Variants in COL23A1 observed in about 807,000 individuals in gnomAD.
COL23A1 encodes the protein collagen alpha-1(XXIII) chain.
In COL23A1, 97 loss-of-function variants were observed where a neutral mutation model predicts 99.3. The ratio of observed to expected loss-of-function variants is 0.98; its 90% CI spans 0.83 to 1.16. The LOEUF (loss-of-function observed/expected upper bound fraction) is 1.16. Among genes scored for constraint, COL23A1 ranks in the 50% most tolerant of loss-of-function variants. The probability of loss-of-function intolerance (pLI) is 0.00; values close to 1 mark genes in which losing one functional copy is unlikely to be tolerated. For synonymous variants in COL23A1, 320 were observed against 308.2 expected (o/e 1.04, Z -0.40); for missense variants, 762 against 757.4 (o/e 1.01, Z -0.07).
chr5:178,487,128 T>C (rs1240517877), intron 2 of COL23A1, among the ~76,000 whole-genome samples: 1 of 141,336 alleles, frequency 7.1e-6, no homozygotes, highest in Non-Finnish European at 1.5e-5. Flanking sequence ...AAGTCCCAGT[T>C]GACACCTCAG....
intron 2 of COL23A1, among the ~76,000 whole-genome samples, chr5:178,435,493 G>A (rs1013015955): frequency 7.2e-5 from 11 of 152,214 alleles, no homozygotes; most frequent in African/African-American, 2.2e-4. Flanking sequence ...TGCAGACCAC[G>A]CATGGCTCAC....
intron 2 of COL23A1, among the ~76,000 whole-genome samples, chr5:178,455,073 T>C (rs1169594397): frequency 1.3e-5 from 2 of 152,196 alleles, no homozygotes; most frequent in Non-Finnish European, 2.9e-5. Context: ...TCTTGTCAGG[T>C]TGGATTAAGG....
chr5:178,528,766 C>T (rs374163062), intron 2 of COL23A1, among the ~76,000 whole-genome samples: 6 of 152,238 alleles, frequency 3.9e-5, no homozygotes, highest in African/African-American at 4.8e-5. Flanking sequence ...GCTGAGATCG[C>T]GCCATTGCAC....
At chr5:178,524,791 C>T (rs1760217844) in intron 2 of COL23A1, among the ~76,000 whole-genome samples, 1 of 152,204 alleles carries the variant, frequency 6.6e-6, no homozygotes, top group Non-Finnish European at 1.5e-5. Flanking sequence ...CCTAACAGGC[C>T]ATGTGGCTCC....
In COL23A1 at chr5:178,250,185, T is replaced by C. The variant is rs1298073293; in HGVS notation, c.1015-80A>G. ...CAGCAGCCAGAGGGCCAGGACACAC[T>C]GTGCACCCGGCCCAGGGTGGGTCTT... is the stretch of plus-strand genomic sequence containing the variant. On this transcript the variant is annotated intron_variant, in intron 17 of 28. Coordinates refer to ENST00000390654, the MANE Select transcript of COL23A1 (RefSeq NM_173465.4). The C allele has an allele frequency of 1.2e-5, 18 of 1,545,506 alleles. No homozygotes were observed. In the East Asian group the frequency reaches 3.5e-4, roughly 30 times the overall value.
chr5:178,288,571 C>T, intron 4 of COL23A1: 1 of 623,512 alleles, frequency 1.6e-6, no homozygotes, highest in Non-Finnish European at 2.9e-6. Context: ...CTCAGGGCTT[C>T]ATCGGGGCTC....
intron 1 of COL23A1, among the ~76,000 whole-genome samples, chr5:178,580,278 A>G (rs1159732624): frequency 6.6e-6 from 1 of 151,730 alleles, no homozygotes; most frequent in East Asian, 1.9e-4. Flanking sequence ...CAGTGAGCCG[A>G]GATCGTGCCA....
intron 2 of COL23A1, among the ~76,000 whole-genome samples, chr5:178,412,860 C>T (rs28644456): frequency 0.43 from 64,719 of 151,902 alleles, 13,863 homozygotes; most frequent in Middle Eastern, 0.5. Context: ...GCAGTTTTCT[C>T]AGAAATGCTA....
chr5:178,493,273 C>T (rs1295849863), intron 2 of COL23A1, among the ~76,000 whole-genome samples: 1 of 152,210 alleles, frequency 6.6e-6, no homozygotes, highest in Non-Finnish European at 1.5e-5. Flanking sequence ...TGGGCCCAGC[C>T]CACACTGAAC....
intron 2 of COL23A1, among the ~76,000 whole-genome samples, chr5:178,482,514 G>A (rs1423786597): frequency 6.6e-6 from 1 of 152,172 alleles, no homozygotes; most frequent in African/African-American, 2.4e-5. Context: ...TGAAGAAAAA[G>A]GTTCTGAGAT....
intron 5 of COL23A1, among the ~76,000 whole-genome samples, chr5:178,277,775 C>A (rs201667883): frequency 1.3e-5 from 1 of 79,136 alleles, no homozygotes; most frequent in African/African-American, 5.0e-5. Flanking sequence ...GCCTTTGAAC[C>A]GATCCCAAAA....
chr5:178,246,032 G>C, intron 24 of COL23A1, 64 bp from the exon 25 acceptor site: 5 of 1,584,298 alleles, frequency 3.2e-6, no homozygotes, highest in Non-Finnish European at 4.3e-6. Flanking sequence ...CAGCTGCTGG[G>C]AAGTCCAGCC....
intron 4 of COL23A1, 27 bp downstream of exon 4, chr5:178,290,335 G>A (rs373066922): frequency 1.2e-6 from 2 of 1,613,816 alleles, no homozygotes; most frequent in African/African-American, 2.7e-5. Flanking sequence ...TCTTTCAGAA[G>A]CAGACAGCAC....
chr5:178,478,797 AG>A (rs1757168150), intron 2 of COL23A1, among the ~76,000 whole-genome samples: 1 of 152,166 alleles, frequency 6.6e-6, no homozygotes, highest in East Asian at 1.9e-4. Flanking sequence ...AGGGTACCAG[AG>A]CCTTCTGGGT....
intron 17 of COL23A1, 79 bp downstream of exon 17, chr5:178,252,465 G>T: frequency 1.4e-6 from 2 of 1,380,662 alleles, no homozygotes; most frequent in East Asian, 2.5e-5. Context: ...GTGGAACAGG[G>T]TCACAGAGCA....
At position 178,502,286 on chromosome 5, in the gene COL23A1, C is replaced by T. The variant is rs376410875; in HGVS notation, c.361+58396G>A. 3.8e-3 allele frequency among the ~76,000 whole-genome samples: 583 copies of T among 152,260 alleles called. 8 individuals carry two copies. The highest frequency in any genetic ancestry group is 0.013 in the African/African-American group (539 of 41,542). ...AGCTGGGACTACAGGCGCCCGCCAC[C>T]ACGCCCGGCTAATTTTTTGTATTTT... On this transcript the variant is annotated intron_variant, in intron 2 of 28. Transcript: ENST00000390654.
At chr5:178,552,737 CAG>C (rs1284185024) in intron 2 of COL23A1, among the ~76,000 whole-genome samples, 1 of 150,472 alleles carries the variant, frequency 6.6e-6, no homozygotes, top group African/African-American at 2.4e-5. Context: ...TTTTTTCAGA[CAG>C]AGTCTCACTC....
chr5:178,343,501 T>C (rs1483971420), intron 2 of COL23A1, among the ~76,000 whole-genome samples: 1 of 152,172 alleles, frequency 6.6e-6, no homozygotes. Flanking sequence ...ACAGGCTTTT[T>C]AGAAGAAAGA....
intron 9 of COL23A1, among the ~76,000 whole-genome samples, chr5:178,262,650 C>G (rs1245136246): frequency 1.3e-5 from 2 of 152,096 alleles, no homozygotes; most frequent in Non-Finnish European, 2.9e-5. Context: ...TTTGGAGACC[C>G]TGGGAGGAAA....
Sources: allele counts gnomAD v4.1 joint callset (sites outside exome capture counted in the v4.1 genomes callset), GRCh38; gene constraint gnomAD v4.1.1; transcripts MANE v1.5; gene names NCBI Gene and HGNC (gene_info 2026-07-23, HGNC 2026-07-21).